INTS6L: variants seen among roughly 807,000 people sequenced by gnomAD.
INTS6L encodes integrator complex subunit 6-like.
A neutral mutation model predicts 64.7 loss-of-function variants in INTS6L; 18 were observed. That is an observed-to-expected ratio of 0.28 (90% CI 0.19 to 0.41). INTS6L has a LOEUF of 0.41. Among genes scored for constraint, INTS6L ranks in the 10% least tolerant of loss-of-function variants. The pLI, the probability that INTS6L is intolerant of heterozygous loss-of-function variation, is 1.00. For missense variants in INTS6L, 533 were observed against 661.0 expected, an observed-to-expected ratio of 0.81 and a Z score of 2.12; for synonymous variants, 227 against 235.9, an observed-to-expected ratio of 0.96 and a Z score of 0.34.
chrX:135,556,984 C>T (rs1407574145), intron 9 of INTS6L, among the ~76,000 whole-genome samples: 4 of 111,687 alleles, frequency 3.6e-5, no homozygotes, highest in African/African-American at 9.8e-5. Context: ...AGTTTTCATA[C>T]GATCATTAAA....
At chrX:135,531,567 C>T (rs2085910657) in intron 2 of INTS6L, among the ~76,000 whole-genome samples, 1 of 112,137 alleles carries the variant, frequency 8.9e-6, no homozygotes, top group Non-Finnish European at 1.9e-5. Flanking sequence ...ATTTCTGTTG[C>T]CATCACTTTA....
intron 2 of INTS6L, among the ~76,000 whole-genome samples, chrX:135,545,016 A>T (rs1419078189): frequency 1.8e-5 from 2 of 111,824 alleles, no homozygotes; most frequent in Admixed American, 1.9e-4. Flanking sequence ...TGTAGCTCAG[A>T]CAGTCAATAT....
At chrX:135,537,035 A>G (rs2086074903) in intron 2 of INTS6L, among the ~76,000 whole-genome samples, 2 of 112,354 alleles carry the variant, frequency 1.8e-5, no homozygotes, top group African/African-American at 6.5e-5. Context: ...AGCTTCAGCA[A>G]CAGGCCTGCA....
Position 135,521,300 on chromosome X carries a change from A to C in INTS6L, c.171A>C (p.Glu57Asp), listed in dbSNP as rs2085540836. ...GDRYMLVTYD[E>D]PPYCIKAGWK... ...GGTACATGCTGGTCACCTACGACGA[A>C]CCCCCGTACTGCATCAAGGTAAAGG... The change falls in exon 2 of 18, where the codon GAA becomes GAC. Residue 57 changes from glutamate (E) to aspartate (D), a missense_variant. Transcript: ENST00000639893. 8.3e-7 allele frequency: 1 copy of C among 1,202,184 alleles called. No individual in the cohort carries two copies. The highest frequency in any genetic ancestry group is 1.1e-6 in the Non-Finnish European group (1 of 891,601).
chrX:135,547,113 T>A, intron 5 of INTS6L, 24 bp from the exon 6 acceptor site: 1 of 1,200,427 alleles, frequency 8.3e-7, no homozygotes, highest in African/African-American at 1.8e-5. Context: ...AAACTTGTGC[T>A]ATTTATTTTT....
chrX:135,574,945 C>T (rs2087182735), intron 13 of INTS6L, 139 bp from the exon 14 acceptor site: 2 of 578,320 alleles, frequency 3.5e-6, no homozygotes, highest in Non-Finnish European at 2.7e-6. Flanking sequence ...GATTCTAGAT[C>T]CTAGAATGCT....
At chrX:135,541,973 G>T (rs914835320) in intron 2 of INTS6L, among the ~76,000 whole-genome samples, 1 of 110,913 alleles carries the variant, frequency 9.0e-6, no homozygotes, top group Admixed American at 9.6e-5. Flanking sequence ...TAAATCTGTG[G>T]GCCTTTTTTC....
rs2085540123 is a variant in INTS6L, at chrX:135,521,291, C to A, written c.162C>A (p.Thr54=). 1.7e-6 allele frequency: 2 copies of A among 1,204,866 alleles called. No homozygotes were observed. The highest frequency in any genetic ancestry group is 2.2e-6 in the Non-Finnish European group (2 of 892,773). The part of the protein sequence containing the change: ...ASRGDRYMLV[T]YDEPPYCIKA... ...GTGGAGACAGGTACATGCTGGTCAC[C>A]TACGACGAACCCCCGTACTGCATCA... is the stretch of plus-strand genomic sequence containing the variant. The change falls in exon 2 of 18, where the codon ACC becomes ACA. Residue 54 remains threonine, a synonymous_variant. Transcript: ENST00000639893.
At chrX:135,546,010 G>C (rs192636878) in intron 3 of INTS6L, among the ~76,000 whole-genome samples, 1 of 112,082 alleles carries the variant, frequency 8.9e-6, no homozygotes, top group African/African-American at 3.2e-5. Context: ...GTTGCAGCAC[G>C]CAAGTCACTA....
At chrX:135,550,585 T>C (rs909886919) in intron 7 of INTS6L, among the ~76,000 whole-genome samples, 2 of 111,656 alleles carry the variant, frequency 1.8e-5, no homozygotes, top group Admixed American at 1.9e-4. Flanking sequence ...AACAAATCAC[T>C]ACTTCTTCTA....
intron 8 of INTS6L, among the ~76,000 whole-genome samples, chrX:135,554,883 CTTTTTT>C (rs35845600): frequency 3.0e-4 from 15 of 50,470 alleles, no homozygotes; most frequent in African/African-American, 1.3e-3. Context: ...ACCAGCATAA[CTTTTTT>C]TTTTTTTTTT....
At chrX:135,555,313 A>G (rs1556518766) in intron 8 of INTS6L, among the ~76,000 whole-genome samples, 1 of 110,413 alleles carries the variant, frequency 9.1e-6, no homozygotes, top group Non-Finnish European at 1.9e-5. Context: ...ATATTTATTG[A>G]AAAAAAAATG....
rs143452846 is a variant in INTS6L at position 135,560,558 on chromosome X, T to C, written c.1192+4258T>C. On this transcript the variant is annotated intron_variant, in intron 9 of 17. Coordinates refer to ENST00000639893, the MANE Select transcript of INTS6L (RefSeq NM_001351601.3). ...GATTTTCTTCATCAAGTTGAAGAGT[T>C]CTGGCTGGGTGCGGTGGCTCACGCC... Among the ~76,000 whole-genome samples, 708 of 112,284 alleles carry C rather than the reference T, an allele frequency of 6.3e-3. 4 individuals are homozygous for C. Among genetic ancestry groups the C allele is most frequent in the Non-Finnish European group, 8.8e-3 (467 of 53,249 alleles).
In INTS6L at chrX:135,520,795, T is replaced by C. The variant is rs1569505436; in HGVS notation, c.-198T>C. ...CACACGCTCACACTTTCAAGTTCCCTTGGAGGGAGAGGAGGTGGGGCTGCA... is the reference window on the plus strand; with the variant it reads ...CACACGCTCACACTTTCAAGTTCCCCTGGAGGGAGAGGAGGTGGGGCTGCA... On this transcript the variant is annotated 5_prime_UTR_variant, in exon 1 of 18. Transcript: ENST00000639893. The C allele has an allele frequency of 4.6e-6, 2 of 430,566 alleles. No homozygotes were observed. The highest frequency in any genetic ancestry group is 8.1e-6 in the Non-Finnish European group (2 of 247,832). 35.5% of individuals were successfully genotyped at this position (430,566 alleles called of 1,213,427 possible).
At chrX:135,580,919 T>A in intron 16 of INTS6L, 131 bp from the exon 17 acceptor site, 1 of 473,616 alleles carries the variant, frequency 2.1e-6, no homozygotes, top group Non-Finnish European at 3.3e-6. Flanking sequence ...GATATTTTGA[T>A]AAGAATGTTA....
Position 135,581,811 on chromosome X carries a change from TTAA to T in INTS6L, c.*180_*182del, listed in dbSNP as rs1283543664. ...TGGCAGTGAAAGCTGGGCTTTTGCC[TTAA>T]TAATTTTTTAAAGTATGAATTGTTT... is the stretch of plus-strand genomic sequence containing the variant. On this transcript the variant is annotated 3_prime_UTR_variant, in exon 18 of 18. Transcript: ENST00000639893. The T allele has an allele frequency of 2.5e-6, 1 of 404,140 alleles. No homozygotes were observed. Among genetic ancestry groups the T allele is most frequent in the Non-Finnish European group, 4.3e-6 (1 of 232,221 alleles). 33.3% of individuals were successfully genotyped at this position (404,140 alleles called of 1,213,427 possible).
intron 3 of INTS6L, 41 bp from the exon 4 acceptor site, chrX:135,546,339 A>G (rs781924370): frequency 1.2e-6 from 1 of 841,903 alleles, no homozygotes; most frequent in Admixed American, 3.7e-5. Context: ...ATATACTTTT[A>G]TTACTTTACA....
intron 8 of INTS6L, among the ~76,000 whole-genome samples, chrX:135,555,312 G>GA (rs1225121834): frequency 1.6e-4 from 17 of 109,272 alleles, no homozygotes; most frequent in Non-Finnish European, 2.9e-4. Context: ...AATATTTATT[G>GA]AAAAAAAAAT....
At chrX:135,581,176 T>A (rs2087361864) in intron 17 of INTS6L, 33 bp downstream of exon 17, 1 of 1,102,395 alleles carries the variant, frequency 9.1e-7, no homozygotes, top group South Asian at 2.2e-5. Flanking sequence ...CAATTTTTTG[T>A]TTTTGTTTTT....
Sources: gnomAD v4.1 joint callset for allele counts (sites outside exome capture counted in the v4.1 genomes callset) on GRCh38, gnomAD v4.1.1 for gene constraint, MANE v1.5 for transcripts, NCBI Gene and HGNC (gene_info 2026-07-23, HGNC 2026-07-21) for gene names.